Variants in MAP3K3 observed in about 807,000 individuals in gnomAD.
MAP3K3 encodes the protein mitogen-activated protein kinase kinase kinase 3.
In MAP3K3, 12 loss-of-function variants were observed where a neutral mutation model predicts 80.9. That is an observed-to-expected ratio of 0.15 (90% CI 0.10 to 0.24). The LOEUF (loss-of-function observed/expected upper bound fraction) is 0.24. Among genes scored for constraint, MAP3K3 ranks in the 10% least tolerant of loss-of-function variants. The pLI is 1.00. For synonymous variants in MAP3K3, 272 were observed against 307.1 expected (o/e 0.89, Z 1.19); for missense variants, 596 against 834.7 (o/e 0.71, Z 3.52).
intron 6 of MAP3K3, among the ~76,000 whole-genome samples, chr17:63,667,920 C>A (rs182838150): frequency 6.6e-6 from 1 of 152,260 alleles, no homozygotes; most frequent in East Asian, 1.9e-4. Flanking sequence ...CCAGTCCTTC[C>A]CAGGACAGGA....
intron 2 of MAP3K3, among the ~76,000 whole-genome samples, chr17:63,642,054 CTTA>C (rs2034453846): frequency 6.6e-6 from 1 of 152,154 alleles, no homozygotes; most frequent in Non-Finnish European, 1.5e-5. Context: ...TTATCTATGG[CTTA>C]TTATGGTCAA....
chr17:63,674,963 C>T (rs527255957), intron 6 of MAP3K3, among the ~76,000 whole-genome samples: 1 of 152,084 alleles, frequency 6.6e-6, no homozygotes, highest in African/African-American at 2.4e-5. Context: ...GTCCTAGTAC[C>T]GATTTGAAAG....
intron 3 of MAP3K3, among the ~76,000 whole-genome samples, chr17:63,647,394 A>G (rs1250925849): frequency 6.1e-4 from 93 of 152,376 alleles, no homozygotes; most frequent in East Asian, 1.9e-4. Flanking sequence ...AACTCAGAGC[A>G]GCAGAGTTTT....
intron 1 of MAP3K3, 21 bp from the exon 2 acceptor site, chr17:63,632,660 A>C (rs370742358): frequency 1.2e-6 from 2 of 1,613,308 alleles, no homozygotes; most frequent in Non-Finnish European, 1.7e-6. Flanking sequence ...GTCTTAGTCC[A>C]TGTGCTCTCT....
At chr17:63,631,945 G>T (rs1384354920) in intron 1 of MAP3K3, among the ~76,000 whole-genome samples, 1 of 152,184 alleles carries the variant, frequency 6.6e-6, no homozygotes, top group Non-Finnish European at 1.5e-5. Context: ...CTTTTAAAGT[G>T]TGCTCTCCTC....
intron 2 of MAP3K3, among the ~76,000 whole-genome samples, chr17:63,640,824 A>G (rs118042914): frequency 1.3e-3 from 204 of 152,308 alleles, no homozygotes; most frequent in Non-Finnish European, 2.6e-3. Flanking sequence ...AAGAGAGTAT[A>G]GAACTTGATT....
In MAP3K3 at chr17:63,693,840, T is replaced by C; in HGVS notation, c.*63T>C. 7.1e-7 allele frequency: 1 copy of C among 1,415,058 alleles called. No individual in the cohort carries two copies. The highest frequency in any genetic ancestry group is 9.7e-7 in the Non-Finnish European group (1 of 1,029,264). The allele number at this position is 1,415,058 out of a possible 1,614,324, so 87.7% of individuals were successfully genotyped here. ...GCATGGCAGGGGGCTGCTGCTGGGCTCAGTGAAGTTGCTGCTTCTCCCAGG... is the reference window on the plus strand; with the variant it reads ...GCATGGCAGGGGGCTGCTGCTGGGCCCAGTGAAGTTGCTGCTTCTCCCAGG... On this transcript the variant is annotated 3_prime_UTR_variant, in exon 16 of 16. Coordinates refer to ENST00000361733, the MANE Select transcript of MAP3K3 (RefSeq NM_002401.5). The surrounding 1 kb of genome is among the most constrained non-coding windows in gnomAD (Gnocchi z 4.2).
intron 1 of MAP3K3, among the ~76,000 whole-genome samples, chr17:63,628,272 A>G (rs1264154733): frequency 6.6e-6 from 1 of 151,870 alleles, no homozygotes; most frequent in Admixed American, 6.6e-5. Context: ...ATAACCTCTT[A>G]TATAACCATA....
At chr17:63,647,028 A>G (rs1283211156) in intron 3 of MAP3K3, among the ~76,000 whole-genome samples, 1 of 152,202 alleles carries the variant, frequency 6.6e-6, no homozygotes, top group Non-Finnish European at 1.5e-5. Context: ...GTCTCACCAC[A>G]GGACCTTAGT....
At chr17:63,667,895 G>T (rs1371235364) in intron 6 of MAP3K3, among the ~76,000 whole-genome samples, 1 of 152,142 alleles carries the variant, frequency 6.6e-6, no homozygotes, top group Non-Finnish European at 1.5e-5. Flanking sequence ...TAGTCAGAAA[G>T]CTCTGTGGCT....
At chr17:63,622,837 C>A in intron 1 of MAP3K3, 74 bp downstream of exon 1, 1 of 398,218 alleles carries the variant, frequency 2.5e-6, no homozygotes, top group Non-Finnish European at 5.1e-6. Context: ...GGGAGGAGGA[C>A]CCTGGGCCAC....
chr17:63,683,481 C>G (rs2035382650), intron 7 of MAP3K3, among the ~76,000 whole-genome samples: 1 of 152,198 alleles, frequency 6.6e-6, no homozygotes, highest in Non-Finnish European at 1.5e-5. Context: ...GTCCTATACT[C>G]TGCCCCCTTC....
At chr17:63,627,760 T>G (rs2034131748) in intron 1 of MAP3K3, among the ~76,000 whole-genome samples, 1 of 151,740 alleles carries the variant, frequency 6.6e-6, no homozygotes. Flanking sequence ...TTTTTTGTAT[T>G]TTTTGTAGAG....
chr17:63,649,801 A>G (rs765335754), intron 3 of MAP3K3, among the ~76,000 whole-genome samples: 2 of 152,246 alleles, frequency 1.3e-5, no homozygotes, highest in African/African-American at 2.4e-5. Flanking sequence ...GTTCTAGATG[A>G]TGAAGGCTTT....
intron 1 of MAP3K3, among the ~76,000 whole-genome samples, chr17:63,629,205 C>A (rs1386423668): frequency 6.6e-6 from 1 of 152,092 alleles, no homozygotes; most frequent in Non-Finnish European, 1.5e-5. Context: ...TCACACCAAC[C>A]TCCGCCTCCT....
At chr17:63,634,686 C>T in intron 2 of MAP3K3, 2 of 1,590,268 alleles carry the variant, frequency 1.3e-6, no homozygotes, top group Non-Finnish European at 8.6e-7. Context: ...AAATTATTAA[C>T]CTCAGTTTTT....
chr17:63,649,951 A>G (rs1331550490), intron 3 of MAP3K3, among the ~76,000 whole-genome samples: 1 of 151,932 alleles, frequency 6.6e-6, no homozygotes, highest in Non-Finnish European at 1.5e-5. Context: ...ACCACTTCCC[A>G]CTCTGGGGGA....
Position 63,688,597 on chromosome 17 carries a change from G to A in MAP3K3, c.778+3G>A. The A allele has an allele frequency of 6.2e-7, 1 of 1,613,786 alleles. No homozygotes were observed. Among genetic ancestry groups the A allele is most frequent in the Non-Finnish European group, 8.5e-7 (1 of 1,179,670 alleles). Reference sequence around the variant, plus strand: ...TGACAACAGACAGGAATACTCAGGTGAGTTCCACAGAGCCTGGGTGGGTAA... The same window carrying A: ...TGACAACAGACAGGAATACTCAGGTAAGTTCCACAGAGCCTGGGTGGGTAA... On this transcript the variant is annotated splice_donor_region_variant and intron_variant, in intron 9 of 15. Transcript: ENST00000361733.
At chr17:63,646,173 G>A (rs1380607731) in intron 3 of MAP3K3, 99 bp downstream of exon 3, 2 of 1,087,650 alleles carry the variant, frequency 1.8e-6, no homozygotes, top group Admixed American at 3.8e-5. Context: ...GATCCCTGTG[G>A]GGCCACTGGC....
Sources: gnomAD v4.1 joint callset for allele counts (sites outside exome capture counted in the v4.1 genomes callset) on GRCh38, gnomAD v4.1.1 for gene constraint, Gnocchi (gnomAD v3.1) non-coding constraint, MANE v1.5 for transcripts, NCBI Gene and HGNC (gene_info 2026-07-23, HGNC 2026-07-21) for gene names.